CLEC5A: variants seen among roughly 807,000 people sequenced by gnomAD.
The protein encoded by CLEC5A is C-type lectin domain containing 5A.
CLEC5A carries 15 observed loss-of-function variants against 24.4 expected under a neutral mutation model. That is an observed-to-expected ratio of 0.62 (90% CI 0.41 to 0.95). CLEC5A has a LOEUF of 0.95. Among genes scored for constraint, CLEC5A ranks in the 40% least tolerant of loss-of-function variants. The probability of loss-of-function intolerance (pLI) is 0.00; values close to 1 mark genes in which losing one functional copy is unlikely to be tolerated. For synonymous variants in CLEC5A, 71 were observed against 72.6 expected (o/e 0.98, Z 0.11); for missense variants, 211 against 224.0 (o/e 0.94, Z 0.37).
intron 3 of CLEC5A, among the ~76,000 whole-genome samples, chr7:141,944,857 A>G (rs1009585000): frequency 6.6e-6 from 1 of 152,204 alleles, no homozygotes; most frequent in Non-Finnish European, 1.5e-5. Context: ...AGGACTCAAT[A>G]CATATTTTAT....
intron 4 of CLEC5A, among the ~76,000 whole-genome samples, chr7:141,940,901 G>T (rs1320078229): frequency 6.6e-6 from 1 of 151,962 alleles, no homozygotes; most frequent in African/African-American, 2.4e-5. Flanking sequence ...AACCTGAACA[G>T]ATCAATAACA....
intron 4 of CLEC5A, among the ~76,000 whole-genome samples, chr7:141,940,304 G>A (rs1294354): frequency 0.96 from 146,725 of 152,146 alleles, 70,986 homozygotes; most frequent in East Asian, 1. Context: ...GCACAAATAC[G>A]TGGAAATTAA....
intron 5 of CLEC5A, among the ~76,000 whole-genome samples, chr7:141,934,223 T>TA (rs1202399208): frequency 6.6e-5 from 10 of 152,282 alleles, no homozygotes; most frequent in Non-Finnish European, 1.5e-4. Context: ...GGAGGATAGC[T>TA]AGAAAGAGTG....
chr7:141,946,125 A>G (rs1554442107), intron 2 of CLEC5A, 89 bp downstream of exon 2: 2 of 1,407,126 alleles, frequency 1.4e-6, no homozygotes, highest in East Asian at 2.5e-5. Flanking sequence ...TTGGATATGT[A>G]ACCTTTACAC....
At chr7:141,936,766 C>T (rs148416191) in intron 4 of CLEC5A, among the ~76,000 whole-genome samples, 1 of 152,152 alleles carries the variant, frequency 6.6e-6, no homozygotes, top group African/African-American at 2.4e-5. Flanking sequence ...CCCCAAGCAG[C>T]ACAACTTGCA....
intron 6 of CLEC5A, chr7:141,931,466 T>G (rs2128960208): frequency 2.0e-6 from 1 of 511,908 alleles, no homozygotes; most frequent in Admixed American, 3.6e-5. Flanking sequence ...TAGGTGGATT[T>G]GTTTGGATCT....
rs781840885 is a variant in CLEC5A at position 141,929,032 on chromosome 7, G to A, written c.*1072C>T. ...TGGCCAAATGAACTCCCTGTTTCCT[G>A]TCTCAGGTGATTTCCATTTGACCCT... On this transcript the variant is annotated 3_prime_UTR_variant, in exon 7 of 7. Transcript: ENST00000546910. 2 of 152,148 alleles carry A rather than the reference G, an allele frequency of 1.3e-5. No homozygotes were observed. Among genetic ancestry groups the A allele is most frequent in the Non-Finnish European group, 2.9e-5 (2 of 68,054 alleles). The allele number at this position is 152,148 out of a possible 1,614,324, so 9.4% of individuals were successfully genotyped here.
chr7:141,931,300 G>T (rs1157615633), intron 6 of CLEC5A, among the ~76,000 whole-genome samples: 1 of 152,084 alleles, frequency 6.6e-6, no homozygotes. Flanking sequence ...CCATAAAACT[G>T]ACCCTGTCTC....
chr7:141,935,726 A>T (rs1250676222), intron 5 of CLEC5A, 88 bp downstream of exon 5: 8 of 1,118,392 alleles, frequency 7.2e-6, no homozygotes, highest in Non-Finnish European at 1.0e-5. Context: ...ACTCCATCCC[A>T]TCCCCACTCC....
At chr7:141,938,972 T>C in intron 4 of CLEC5A, among the ~76,000 whole-genome samples, 1 of 152,114 alleles carries the variant, frequency 6.6e-6, no homozygotes, top group East Asian at 1.9e-4. Context: ...AAATAAAAGC[T>C]GAGGGATTTA....
intron 4 of CLEC5A, 148 bp from the exon 5 acceptor site, chr7:141,936,098 C>A: frequency 1.5e-6 from 1 of 688,084 alleles, no homozygotes; most frequent in Non-Finnish European, 2.5e-6. Flanking sequence ...GAAATTCCAC[C>A]CAGTCTAGTC....
At chr7:141,935,722 TCCCATCCCCACTCCCCCAAGTTTCTAC>T in intron 5 of CLEC5A, 65 bp downstream of exon 5, 1 of 1,089,030 alleles carries the variant, frequency 9.2e-7, no homozygotes, top group Non-Finnish European at 1.3e-6. Context: ...CCTCACTCCA[TCCCATCCCCACTCCCCCAAGTTTCTAC>T]CCCATCCCAC....
rs1554440434 is a variant in CLEC5A at position 141,931,834 on chromosome 7, T to A, written c.346-8A>T. On this transcript the variant is annotated splice_polypyrimidine_tract_variant and splice_region_variant and intron_variant, in intron 5 of 6. Transcript: ENST00000546910. ...TATGTCCTGAAGAAACTTCTGGAAATAAAAAAAAAATTTTACCAGTGAGTC... is the reference window on the plus strand; with the variant it reads ...TATGTCCTGAAGAAACTTCTGGAAAAAAAAAAAAAATTTTACCAGTGAGTC... 2 of 1,356,568 alleles carry A rather than the reference T, an allele frequency of 1.5e-6. No homozygotes were observed. Among genetic ancestry groups the A allele is most frequent in the Admixed American group, 2.0e-5 (1 of 49,184 alleles). The allele number at this position is 1,356,568 out of a possible 1,614,324, so 84.0% of individuals were successfully genotyped here.
At chr7:141,936,190 G>A in intron 4 of CLEC5A, 3 of 496,372 alleles carry the variant, frequency 6.0e-6, no homozygotes, top group South Asian at 2.4e-5. Flanking sequence ...TCCCCCTACA[G>A]GAACACCAAA....
intron 4 of CLEC5A, among the ~76,000 whole-genome samples, chr7:141,939,065 A>G (rs1485615601): frequency 6.6e-6 from 1 of 152,182 alleles, no homozygotes; most frequent in Admixed American, 6.5e-5. Flanking sequence ...GCAATAAGAA[A>G]TCATCTGAAT....
intron 3 of CLEC5A, among the ~76,000 whole-genome samples, chr7:141,944,574 T>C (rs1021052084): frequency 1.3e-5 from 2 of 152,184 alleles, no homozygotes; most frequent in Admixed American, 1.3e-4. Flanking sequence ...CATTCATTTC[T>C]AGAAATCCAT....
chr7:141,930,447 C>T (rs79802925), intron 6 of CLEC5A, among the ~76,000 whole-genome samples: 5,857 of 152,292 alleles, frequency 0.038, 189 homozygotes, highest in South Asian at 0.18. Context: ...TCTAAACCCA[C>T]CCTTTCCTGT....
rs1802618080 is a variant in CLEC5A at position 141,936,181 on chromosome 7, C to T, written c.209-231G>A. ...GCTGAATAAAGTTTCCATTAGTCATCCCCCTACAGGAACACCAAATTTGAC... is the reference window on the plus strand; with the variant it reads ...GCTGAATAAAGTTTCCATTAGTCATTCCCCTACAGGAACACCAAATTTGAC... On this transcript the variant is annotated intron_variant, in intron 4 of 6. Transcript: ENST00000546910. The T allele has an allele frequency of 1.9e-5, 10 of 530,850 alleles. 1 individual carries two copies. In the Admixed American group the frequency reaches 3.3e-4, roughly 17 times the overall value. 32.9% of individuals were successfully genotyped at this position (530,850 alleles called of 1,614,324 possible). A position where few individuals can be genotyped will look rare whatever the true frequency, so the allele number is the denominator to read the frequency against.
At chr7:141,934,849 T>C (rs1802571840) in intron 5 of CLEC5A, among the ~76,000 whole-genome samples, 2 of 152,058 alleles carry the variant, frequency 1.3e-5, no homozygotes, top group Non-Finnish European at 1.5e-5. Context: ...ATGACCTTTT[T>C]CATCACCAAG....
Sources: gnomAD v4.1 joint callset for allele counts (sites outside exome capture counted in the v4.1 genomes callset) on GRCh38, gnomAD v4.1.1 for gene constraint, MANE v1.5 for transcripts, NCBI Gene and HGNC (gene_info 2026-07-23, HGNC 2026-07-21) for gene names.